IBTK: variants seen among roughly 807,000 people sequenced by gnomAD.
The protein encoded by IBTK is BTK-binding protein.
A neutral mutation model predicts 154.9 loss-of-function variants in IBTK; 83 were observed. The ratio of observed to expected loss-of-function variants is 0.54; its 90% CI spans 0.45 to 0.64. The LOEUF (loss-of-function observed/expected upper bound fraction) is 0.64, where lower values mean the gene tolerates loss of function less well. Among genes scored for constraint, IBTK ranks in the 30% least tolerant of loss-of-function variants. IBTK has a pLI of 0.00. For missense variants in IBTK, 1,332 were observed against 1,584.6 expected, an observed-to-expected ratio of 0.84 and a Z score of 2.71; for synonymous variants, 515 against 536.1, an observed-to-expected ratio of 0.96 and a Z score of 0.54.
chr6:82,173,599 T>A, intron 26 of IBTK, 161 bp from the exon 27 acceptor site: 3 of 459,606 alleles, frequency 6.5e-6, no homozygotes, highest in Non-Finnish European at 1.1e-5. Flanking sequence ...AACAAAATAA[T>A]CTATATTTAT....
In IBTK at chr6:82,171,454, C is replaced by G. The variant is rs770072853; in HGVS notation, c.4033G>C (p.Val1345Leu). The change falls in exon 29 of 29, where the codon GTA (valine) becomes CTA (leucine). Residue 1345 changes from valine to leucine, a missense_variant. By Grantham distance (32) the Val-to-Leu change is conservative. Around this residue, in one of 3 missense-constraint regions of IBTK, gnomAD observed 1,134 missense variants for 1,274.7 expected, o/e 0.89. Coordinates refer to ENST00000306270, the MANE Select transcript of IBTK (RefSeq NM_015525.4). The part of the protein sequence containing the change: ...VERTPQGPLA[V>L]PMWNKHGC ...CATCCATGCTTATTCCACATAGGTA[C>G]TGCCAGTGGTCCCTGCGGTGTCCTT... 2 of 1,613,236 alleles carry G rather than the reference C, an allele frequency of 1.2e-6. No individual in the cohort carries two copies. Among genetic ancestry groups the G allele is most frequent in the South Asian group, 2.2e-5 (2 of 91,032 alleles).
At chr6:82,236,199 T>G (rs994962995) in intron 2 of IBTK, among the ~76,000 whole-genome samples, 1 of 152,128 alleles carries the variant, frequency 6.6e-6, no homozygotes, top group Non-Finnish European at 1.5e-5. Flanking sequence ...AATTGCTTGG[T>G]TTTGGTTTTG....
intron 28 of IBTK, among the ~76,000 whole-genome samples, 166 bp from the exon 29 acceptor site, chr6:82,171,722 T>C (rs542243154): frequency 1.3e-5 from 2 of 152,316 alleles, no homozygotes; most frequent in East Asian, 1.9e-4. Flanking sequence ...CTGCTATCTC[T>C]GTGGCAAGGA....
At chr6:82,189,833 G>A (rs2127802313) in intron 25 of IBTK, among the ~76,000 whole-genome samples, 1 of 152,288 alleles carries the variant, frequency 6.6e-6, no homozygotes, top group South Asian at 2.1e-4. Context: ...CTCTCAAACT[G>A]CAATTTAGTA....
chr6:82,186,211 AAAC>A (rs1013755996), intron 25 of IBTK, among the ~76,000 whole-genome samples: 50 of 152,304 alleles, frequency 3.3e-4, no homozygotes, highest in African/African-American at 1.2e-3. Flanking sequence ...ATTTCCTAAG[AAAC>A]AACAATATTG....
chr6:82,211,704 CAATAA>C (rs993062808), intron 13 of IBTK, 132 bp from the exon 14 acceptor site: 2 of 658,870 alleles, frequency 3.0e-6, no homozygotes, highest in African/African-American at 1.8e-5. Flanking sequence ...GGAATACATA[CAATAA>C]AATACTTCAT....
At chr6:82,225,863 A>T (rs1770277700) in intron 5 of IBTK, among the ~76,000 whole-genome samples, 1 of 152,196 alleles carries the variant, frequency 6.6e-6, no homozygotes, top group South Asian at 2.1e-4. Context: ...CCAGTAAGAC[A>T]TTCCAGTGAA....
chr6:82,214,300 T>C lies in IBTK; in HGVS notation c.2131A>G (p.Ile711Val), dbSNP rs754262683. The change falls in exon 12 of 29, where the codon ATT becomes GTT. Residue 711 changes from isoleucine to valine, a missense_variant. By Grantham distance (29) the Ile-to-Val change is conservative (BLOSUM62 3). Around this residue, in one of 3 missense-constraint regions of IBTK, gnomAD observed 1,134 missense variants for 1,274.7 expected, o/e 0.89. Transcript: ENST00000306270. ...ATTCTTACAGGATCATCTTCCCTAA[T>C]ATTTTTTCCTTTTTTACAAGATTTA... ...KPKSCKKGKN[I>V]REDDPVRMLQ... The C allele has an allele frequency of 4.3e-6, 7 of 1,613,712 alleles. No individual in the cohort carries two copies. The highest frequency in any genetic ancestry group is 5.1e-6 in the Non-Finnish European group (6 of 1,179,840).
chr6:82,238,048 A>G (rs1770797158), intron 2 of IBTK, among the ~76,000 whole-genome samples: 1 of 152,110 alleles, frequency 6.6e-6, no homozygotes, highest in Admixed American at 6.5e-5. Context: ...GTTCAAGACC[A>G]GCCTGGCCAA....
intron 22 of IBTK, 49 bp downstream of exon 22, chr6:82,196,249 T>C: frequency 7.1e-7 from 1 of 1,411,740 alleles, no homozygotes; most frequent in Non-Finnish European, 9.5e-7. Flanking sequence ...ATAAACCATC[T>C]ATAAATCTAA....
chr6:82,187,566 G>A (rs1041038988), intron 25 of IBTK, among the ~76,000 whole-genome samples: 4 of 152,130 alleles, frequency 2.6e-5, no homozygotes, highest in African/African-American at 9.7e-5. Flanking sequence ...ACACATTTTT[G>A]AAGGATAGCA....
chr6:82,201,558 T>A, intron 18 of IBTK, 76 bp from the exon 19 acceptor site: 1 of 921,424 alleles, frequency 1.1e-6, no homozygotes, highest in Non-Finnish European at 1.7e-6. Context: ...CATACGTAGA[T>A]ATTTCATATT....
At chr6:82,243,365 TTCTA>T (rs951494347) in intron 1 of IBTK, among the ~76,000 whole-genome samples, 1 of 152,224 alleles carries the variant, frequency 6.6e-6, no homozygotes, top group African/African-American at 2.4e-5. Context: ...TTTCTATGGT[TTCTA>T]TTACCCACAA....
At position 82,210,872 on chromosome 6, in the gene IBTK, A is replaced by G. The variant is rs1270136826; in HGVS notation, c.2451T>C (p.Ser817=). ...SCAALEMPIH[S]DILKVILDYL... ...AGTCCAAAATAACTTTTAATATATC[A>G]GAATGTATTGGCATTTCCAGAGCTG... Residue 817 remains serine, a synonymous_variant, in exon 16 of 29, where the codon TCT becomes TCC. Coordinates refer to ENST00000306270, the MANE Select transcript of IBTK (RefSeq NM_015525.4). The G allele has an allele frequency of 1.9e-6, 3 of 1,578,286 alleles. No individual in the cohort carries two copies. The highest frequency in any genetic ancestry group is 1.2e-5 in the South Asian group (1 of 84,620).
chr6:82,194,399 C>T (rs998919916), intron 23 of IBTK, 80 bp downstream of exon 23: 10 of 937,514 alleles, frequency 1.1e-5, no homozygotes, highest in Admixed American at 1.0e-4. Context: ...CTTAAATGTT[C>T]ATCATTAAAA....
chr6:82,196,470 T>G, intron 21 of IBTK, 24 bp from the exon 22 acceptor site: 1 of 1,539,070 alleles, frequency 6.5e-7, no homozygotes, highest in Non-Finnish European at 8.9e-7. Flanking sequence ...TTAAAAAAAA[T>G]TAAACACATA....
At chr6:82,190,200 G>C (rs1053229564) in intron 25 of IBTK, among the ~76,000 whole-genome samples, 23 of 152,034 alleles carry the variant, frequency 1.5e-4, no homozygotes. Flanking sequence ...GTAACATTTA[G>C]AATAAAATTA....
chr6:82,182,153 T>G (rs1226820100), intron 25 of IBTK, 125 bp from the exon 26 acceptor site: 1 of 846,370 alleles, frequency 1.2e-6, no homozygotes, highest in African/African-American at 1.8e-5. Context: ...GTTTTCAATG[T>G]GATGTTGGAT....
intron 7 of IBTK, 86 bp from the exon 8 acceptor site, chr6:82,223,706 C>A: frequency 1.7e-6 from 2 of 1,192,618 alleles, no homozygotes; most frequent in Non-Finnish European, 2.4e-6. Context: ...TGCCTATAAT[C>A]CCAGCACTTG....
Sources: gnomAD v4.1 joint callset for allele counts (sites outside exome capture counted in the v4.1 genomes callset) on GRCh38, gnomAD v4.1.1 for gene constraint, gnomAD v4.1.1 regional missense constraint, MANE v1.5 for transcripts, NCBI Gene and HGNC (gene_info 2026-07-23, HGNC 2026-07-21) for gene names.